The following TMEM181 variants were observed in gnomAD, a reference collection of about 807,000 sequenced individuals.
TMEM181 encodes transmembrane protein 181.
In TMEM181, 39 loss-of-function variants were observed where a neutral mutation model predicts 71.9. That is an observed-to-expected ratio of 0.54 (90% CI 0.42 to 0.71). The LOEUF is 0.71. TMEM181 is among the 30% of genes least tolerant of loss of function. The probability of loss-of-function intolerance (pLI) is 0.00; values close to 1 mark genes in which losing one functional copy is unlikely to be tolerated. For synonymous variants in TMEM181, 245 were observed against 228.8 expected (o/e 1.07, Z -0.64); for missense variants, 595 against 583.0 (o/e 1.02, Z -0.21).
chr6:158,575,774 G>A (rs1783120461), intron 2 of TMEM181, among the ~76,000 whole-genome samples: 1 of 152,148 alleles, frequency 6.6e-6, no homozygotes. Flanking sequence ...ATGCTTCCCA[G>A]CATTCCTAAA....
At chr6:158,623,836 C>G (rs6915552) in intron 11 of TMEM181, among the ~76,000 whole-genome samples, 70,418 of 151,382 alleles carry the variant, frequency 0.47, 16,565 homozygotes, top group East Asian at 0.66. Context: ...TCTCAGCTTA[C>G]TGCAGCCTCC....
At chr6:158,626,362 G>A (rs1786275400) in intron 13 of TMEM181, 1 of 456,456 alleles carries the variant, frequency 2.2e-6, no homozygotes, top group Non-Finnish European at 4.4e-6. Context: ...GGTGGTTTAT[G>A]GTTTGTCTGT....
intron 1 of TMEM181, among the ~76,000 whole-genome samples, chr6:158,563,292 T>C (rs972669677): frequency 2.6e-5 from 4 of 152,152 alleles, no homozygotes; most frequent in Admixed American, 1.3e-4. Context: ...TACAGGCAAG[T>C]GCCACCATGC....
At chr6:158,608,835 C>A (rs561001566) in intron 10 of TMEM181, 85 bp downstream of exon 10, 19 of 1,279,002 alleles carry the variant, frequency 1.5e-5, no homozygotes, top group Admixed American at 1.0e-4. Flanking sequence ...TAGTGGCTCA[C>A]GCCTGTAATC....
In TMEM181 at chr6:158,569,141, T is replaced by G. The variant is rs372415081; in HGVS notation, c.9-4279T>G. 3.3e-5 allele frequency among the ~76,000 whole-genome samples: 5 copies of G among 152,172 alleles called. No homozygotes were observed. The South Asian group carries it at 1.0e-3, about 31-fold the overall frequency. ...CAGGCATGAGCCATGCTGGGCTGTTTCAGAACTTTTAGATTGGAAGTCGAG... is the reference window on the plus strand; with the variant it reads ...CAGGCATGAGCCATGCTGGGCTGTTGCAGAACTTTTAGATTGGAAGTCGAG... On this transcript the variant is annotated intron_variant, in intron 1 of 16. Coordinates refer to ENST00000684151, the MANE Select transcript of TMEM181 (RefSeq NM_001376852.1).
rs765592720 is a variant in TMEM181 at position 158,608,618 on chromosome 6, T to C, written c.805-41T>C. The C allele has an allele frequency of 6.3e-6, 10 of 1,598,132 alleles. No individual in the cohort carries two copies. The Admixed American group carries it at 7.1e-5, about 11-fold the overall frequency. Reference sequence around the variant, plus strand: ...ATCACGTTATGTACAATTACCAATTTGGTTTTCTTTATTTCTTACTTCTTA... The same window carrying C: ...ATCACGTTATGTACAATTACCAATTCGGTTTTCTTTATTTCTTACTTCTTA... On this transcript the variant is annotated intron_variant, in intron 9 of 16. Transcript: ENST00000684151.
At chr6:158,566,403 TGGTGAGGGAGGTGATGG>T (rs1433691465) in intron 1 of TMEM181, among the ~76,000 whole-genome samples, 1 of 151,432 alleles carries the variant, frequency 6.6e-6, no homozygotes, top group African/African-American at 2.4e-5. Flanking sequence ...AGGATGATGA[TGGTGAGGGAGGTGATGG>T]GGTGAGGAAG....
intron 2 of TMEM181, among the ~76,000 whole-genome samples, chr6:158,573,911 G>T (rs1376561328): frequency 1.3e-5 from 2 of 152,176 alleles, no homozygotes; most frequent in Non-Finnish European, 2.9e-5. Context: ...TGATGGGGAG[G>T]GGAGGAGAGT....
At chr6:158,549,917 C>G (rs528345055) in intron 1 of TMEM181, among the ~76,000 whole-genome samples, 2 of 146,904 alleles carry the variant, frequency 1.4e-5, no homozygotes, top group East Asian at 2.0e-4. Flanking sequence ...GCATAAGACT[C>G]CTCTTCATGG....
intron 10 of TMEM181, among the ~76,000 whole-genome samples, chr6:158,616,944 C>G (rs1225173682): frequency 6.6e-6 from 1 of 151,890 alleles, no homozygotes; most frequent in Non-Finnish European, 1.5e-5. Flanking sequence ...GTCTAAAATT[C>G]TCTTTTGTTG....
Position 158,589,711 on chromosome 6 carries a change from A to G in TMEM181, c.421A>G (p.Asn141Asp), listed in dbSNP as rs1282712862. The change falls in exon 6 of 17, where the codon AAC (asparagine) becomes GAC (aspartate). Residue 141 changes from asparagine (N) to aspartate (D), a missense_variant. Transcript: ENST00000684151. ...EIIVAHLGYL[N>D]YTQYTVIVGF... ...TATTGTGGCTCACCTTGGCTACCTG[A>G]ACTACACTCAGTATACAGTGATAGT... 1 of 1,614,010 alleles carries G rather than the reference A, an allele frequency of 6.2e-7. No homozygotes were observed. The highest frequency in any genetic ancestry group is 8.5e-7 in the Non-Finnish European group (1 of 1,180,018).
rs1179522614 is a variant in TMEM181 at position 158,597,060 on chromosome 6, G to C, written c.492+7278G>C. On this transcript the variant is annotated intron_variant, in intron 6 of 16. Transcript: ENST00000684151. ...GTTTTCAGTGGAAGGTGTCTGTGCT[G>C]AGCAGATGTCTAGATGGTCGATGGC... 3.3e-5 allele frequency among the ~76,000 whole-genome samples: 5 copies of C among 152,314 alleles called. No homozygotes were observed. In the East Asian group the frequency reaches 9.6e-4, roughly 29 times the overall value.
At chr6:158,630,663 G>A (rs527247715) in intron 15 of TMEM181, among the ~76,000 whole-genome samples, 83 of 151,396 alleles carry the variant, frequency 5.5e-4, no homozygotes, top group Admixed American at 7.9e-4. Flanking sequence ...GGTTTATCAG[G>A]ACATAACCCC....
At chr6:158,540,056 GTTCT>G (rs1164707533) in intron 1 of TMEM181, among the ~76,000 whole-genome samples, 2 of 152,238 alleles carry the variant, frequency 1.3e-5, no homozygotes, top group Non-Finnish European at 2.9e-5. Flanking sequence ...ATGTAATCAA[GTTCT>G]TTCTTTTTAA....
At chr6:158,600,836 G>C (rs939180737) in intron 6 of TMEM181, among the ~76,000 whole-genome samples, 6 of 152,144 alleles carry the variant, frequency 3.9e-5, no homozygotes, top group Non-Finnish European at 8.8e-5. Context: ...TCTTAAGCTA[G>C]AATCCCCCTC....
intron 10 of TMEM181, among the ~76,000 whole-genome samples, chr6:158,619,019 G>A (rs1430307810): frequency 6.6e-6 from 1 of 152,164 alleles, no homozygotes; most frequent in Non-Finnish European, 1.5e-5. Context: ...TGTATTTCCT[G>A]AATTTGAATG....
At chr6:158,619,867 CAAAAAAAAAA>C (rs61626531) in intron 10 of TMEM181, among the ~76,000 whole-genome samples, 76 of 67,750 alleles carry the variant, frequency 1.1e-3, no homozygotes, top group Non-Finnish European at 2.1e-3. Flanking sequence ...GACTCCGTCT[CAAAAAAAAAA>C]AAAAAAAAAA....
intron 6 of TMEM181, among the ~76,000 whole-genome samples, chr6:158,597,507 C>T (rs929633908): frequency 6.6e-6 from 1 of 151,724 alleles, no homozygotes; most frequent in South Asian, 2.1e-4. Context: ...CTCAGCTAGC[C>T]CCCCCTTTTT....
intron 5 of TMEM181, among the ~76,000 whole-genome samples, chr6:158,587,706 GT>G (rs891126500): frequency 6.6e-6 from 1 of 151,802 alleles, no homozygotes; most frequent in African/African-American, 2.4e-5. Flanking sequence ...CGCCTTGCAG[GT>G]GGGAAAGCTG....
Sources: gnomAD v4.1 joint callset for allele counts (sites outside exome capture counted in the v4.1 genomes callset) on GRCh38, gnomAD v4.1.1 for gene constraint, MANE v1.5 for transcripts, NCBI Gene and HGNC (gene_info 2026-07-23, HGNC 2026-07-21) for gene names.